TC2N: variants seen among roughly 807,000 people sequenced by gnomAD.
The protein encoded by TC2N is tandem C2 domains, nuclear.
A neutral mutation model predicts 61.9 loss-of-function variants in TC2N; 51 were observed. The observed-to-expected ratio is 0.82, with a 90% confidence interval of 0.66 to 1.04. TC2N has a LOEUF of 1.04. TC2N is among the 50% of genes least tolerant of loss of function. The pLI, the probability that TC2N is intolerant of heterozygous loss-of-function variation, is 0.00. For missense variants in TC2N, 556 were observed against 566.7 expected, an observed-to-expected ratio of 0.98 and a Z score of 0.19; for synonymous variants, 204 against 192.6, an observed-to-expected ratio of 1.06 and a Z score of -0.49.
Position 91,802,303 on chromosome 14 carries a change from C to T in TC2N, c.420G>A (p.Leu140=), listed in dbSNP as rs372697292. Residue 140 remains leucine, a synonymous_variant, in exon 4 of 12, where the codon TTG becomes TTA. Coordinates refer to ENST00000435962, the MANE Select transcript of TC2N (RefSeq NM_001128596.3). ...CTGAACGGGGAGGAAAGCGTCGACTCAAATCAGGTGAAATGTGCTGATACA... is the reference window on the plus strand; with the variant it reads ...CTGAACGGGGAGGAAAGCGTCGACTTAAATCAGGTGAAATGTGCTGATACA... ...FYMYQHISPD[L]SRRFPPRSEV... The T allele has an allele frequency of 6.2e-7, 1 of 1,604,820 alleles. No homozygotes were observed. Among genetic ancestry groups the T allele is most frequent in the East Asian group, 2.3e-5 (1 of 44,034 alleles).
At chr14:91,808,436 C>T (rs1264211729) in intron 3 of TC2N, among the ~76,000 whole-genome samples, 1 of 152,150 alleles carries the variant, frequency 6.6e-6, no homozygotes, top group Non-Finnish European at 1.5e-5. Context: ...TAAATGATTC[C>T]TGACTGTGCT....
chr14:91,830,508 G>A (rs1887708276), intron 1 of TC2N, among the ~76,000 whole-genome samples: 1 of 152,180 alleles, frequency 6.6e-6, no homozygotes, highest in Admixed American at 6.5e-5. Context: ...CAAATCCACA[G>A]AAATGGAAAA....
chr14:91,821,560 T>C (rs1436385152), intron 1 of TC2N, among the ~76,000 whole-genome samples: 1 of 151,820 alleles, frequency 6.6e-6, no homozygotes, highest in Non-Finnish European at 1.5e-5. Context: ...GAAGAAAACA[T>C]AGGAGTAAAT....
intron 9 of TC2N, among the ~76,000 whole-genome samples, chr14:91,789,847 A>C (rs1885559577): frequency 6.6e-6 from 1 of 152,350 alleles, no homozygotes; most frequent in Non-Finnish European, 1.5e-5. Flanking sequence ...GCTCCTGAAT[A>C]ATGTATCCTT....
chr14:91,840,294 A>G (rs1420505979), intron 1 of TC2N, among the ~76,000 whole-genome samples: 4 of 152,218 alleles, frequency 2.6e-5, no homozygotes, highest in Admixed American at 6.5e-5. Context: ...TCTGATAGGC[A>G]CTGTCATGAA....
At chr14:91,830,386 C>T (rs1887701102) in intron 1 of TC2N, among the ~76,000 whole-genome samples, 2 of 152,156 alleles carry the variant, frequency 1.3e-5, no homozygotes, top group Non-Finnish European at 2.9e-5. Flanking sequence ...AAATGAAGTA[C>T]TGATTCACAC....
chr14:91,783,193 G>A lies in TC2N; in HGVS notation c.1380C>T (p.Asp460=). 1 of 1,603,730 alleles carries A rather than the reference G, an allele frequency of 6.2e-7. No homozygotes were observed. Among genetic ancestry groups the A allele is most frequent in the Non-Finnish European group, 8.5e-7 (1 of 1,172,002 alleles). The part of the protein sequence containing the change: ...HFVGQIWISE[D]SNNIEAVNQW... ...GGTTCACTGCTTCAATGTTATTACTGTCTTCACTTATCCAAATCTGTAAAG... is the reference window on the plus strand; with the variant it reads ...GGTTCACTGCTTCAATGTTATTACTATCTTCACTTATCCAAATCTGTAAAG... The change falls in exon 12 of 12, where the codon GAC becomes GAT. Residue 460 remains aspartate (D), a synonymous_variant. Transcript: ENST00000435962.
intron 10 of TC2N, 44 bp from the exon 11 acceptor site, chr14:91,785,405 A>G (rs775486201): frequency 1.4e-5 from 21 of 1,488,586 alleles, no homozygotes; most frequent in South Asian, 1.1e-4. Flanking sequence ...TATTCAAAAT[A>G]CCATATAAAG....
chr14:91,805,501 T>C (rs1331139835), intron 3 of TC2N, among the ~76,000 whole-genome samples: 3 of 152,158 alleles, frequency 2.0e-5, no homozygotes, highest in African/African-American at 7.2e-5. Context: ...ATCCAGTCTC[T>C]ACTAAAAATA....
intron 7 of TC2N, 22 bp from the exon 8 acceptor site, chr14:91,797,923 T>A: frequency 7.2e-7 from 1 of 1,393,930 alleles, no homozygotes; most frequent in Non-Finnish European, 1.0e-6. Context: ...AAAAATACAG[T>A]TTGAATTTTA....
intron 1 of TC2N, among the ~76,000 whole-genome samples, chr14:91,835,881 G>C (rs1355079014): frequency 1.3e-5 from 2 of 152,184 alleles, no homozygotes; most frequent in Non-Finnish European, 1.5e-5. Flanking sequence ...GCCCGAGCAC[G>C]GAGCAGGGAG....
At chr14:91,812,222 A>G in intron 3 of TC2N, 90 bp downstream of exon 3, 1 of 648,188 alleles carries the variant, frequency 1.5e-6, no homozygotes, top group Non-Finnish European at 2.3e-6. Flanking sequence ...AAAAAATTTT[A>G]TATGAATTTT....
chr14:91,787,636 CA>C lies in TC2N; in HGVS notation c.1048-10del. The C allele has an allele frequency of 2.0e-6, 3 of 1,504,710 alleles. No individual in the cohort carries two copies. Among genetic ancestry groups the C allele is most frequent in the South Asian group, 1.2e-5 (1 of 84,210 alleles). 93.2% of individuals were successfully genotyped at this position (1,504,710 alleles called of 1,614,324 possible). A position where few individuals can be genotyped will look rare whatever the true frequency, so the allele number is the denominator to read the frequency against. On this transcript the variant is annotated splice_polypyrimidine_tract_variant and intron_variant, in intron 9 of 11. Transcript: ENST00000435962. ...AGTTCTGCATGGCAAACCTGCATAT[CA>C]AAAAAGTGTCATTTGGTAGTTAAGA...
At chr14:91,823,355 T>A (rs535302942) in intron 1 of TC2N, among the ~76,000 whole-genome samples, 1 of 151,544 alleles carries the variant, frequency 6.6e-6, no homozygotes, top group Non-Finnish European at 1.5e-5. Context: ...ACCCCATCTC[T>A]ACTAAAAATA....
At chr14:91,801,070 A>ATG (rs68081909) in intron 4 of TC2N, among the ~76,000 whole-genome samples, 37 of 121,908 alleles carry the variant, frequency 3.0e-4, no homozygotes, top group East Asian at 9.0e-4. Flanking sequence ...ATACATATAT[A>ATG]TGTGTGTGTG....
intron 1 of TC2N, among the ~76,000 whole-genome samples, chr14:91,861,972 G>GTA (rs902067819): frequency 1.3e-5 from 2 of 151,728 alleles, no homozygotes; most frequent in Admixed American, 1.3e-4. Context: ...ATGTGTGTGT[G>GTA]TATATATATG....
At chr14:91,790,604 T>C (rs1885596985) in intron 9 of TC2N, among the ~76,000 whole-genome samples, 1 of 152,220 alleles carries the variant, frequency 6.6e-6, no homozygotes, top group African/African-American at 2.4e-5. Context: ...TAATTATTCA[T>C]TCATATTTTC....
intron 1 of TC2N, among the ~76,000 whole-genome samples, chr14:91,851,522 C>T (rs115805054): frequency 0.019 from 2,819 of 152,138 alleles, 84 homozygotes; most frequent in African/African-American, 0.064. Context: ...GTTGCCGTAG[C>T]GTCGGAATGA....
chr14:91,838,270 G>T (rs901589486), intron 1 of TC2N, among the ~76,000 whole-genome samples: 6 of 150,992 alleles, frequency 4.0e-5, no homozygotes, highest in Non-Finnish European at 5.9e-5. Context: ...AGCCTCCCAA[G>T]TGTGCTGGGA....
Sources: allele counts gnomAD v4.1 joint callset (sites outside exome capture counted in the v4.1 genomes callset), GRCh38; gene constraint gnomAD v4.1.1; transcripts MANE v1.5; gene names NCBI Gene and HGNC (gene_info 2026-07-23, HGNC 2026-07-21).